DOCK2: variants seen among roughly 807,000 people sequenced by gnomAD.
DOCK2 encodes dedicator of cytokinesis 2, also known as dedicator of cytokinesis protein 2.
Under a neutral mutation model 248.9 loss-of-function variants are expected in DOCK2, and 87 were observed. The ratio of observed to expected loss-of-function variants is 0.35; its 90% CI spans 0.29 to 0.42. DOCK2 has a LOEUF of 0.42. Among genes scored for constraint, DOCK2 ranks in the 10% least tolerant of loss-of-function variants. DOCK2 has a pLI of 1.00. For synonymous variants in DOCK2, 805 were observed against 821.6 expected, an observed-to-expected ratio of 0.98 and a Z score of 0.35; for missense variants, 1,747 against 2,300.2, an observed-to-expected ratio of 0.76 and a Z score of 4.92.
At chr5:169,997,221 A>G (rs1581514937) in intron 30 of DOCK2, among the ~76,000 whole-genome samples, 1 of 135,594 alleles carries the variant, frequency 7.4e-6, no homozygotes. Flanking sequence ...TCAATGCTTT[A>G]CAAAGCAGTA....
intron 41 of DOCK2, among the ~76,000 whole-genome samples, chr5:170,054,603 T>C (rs1375356350): frequency 1.3e-5 from 2 of 152,198 alleles, no homozygotes; most frequent in East Asian, 3.8e-4. Context: ...ATTTTCAGAG[T>C]TGGGGTGCAA....
At chr5:169,956,022 G>T (rs113651247) in intron 27 of DOCK2, among the ~76,000 whole-genome samples, 15 of 151,890 alleles carry the variant, frequency 9.9e-5, no homozygotes, top group African/African-American at 3.6e-4. Context: ...AGTCAAATGT[G>T]GGGGAGACAT....
At chr5:169,842,380 C>T (rs1209282032) in intron 27 of DOCK2, among the ~76,000 whole-genome samples, 1 of 152,088 alleles carries the variant, frequency 6.6e-6, no homozygotes, top group Admixed American at 6.5e-5. Flanking sequence ...GTTTGAGAGA[C>T]AGAGTCTCAC....
chr5:169,654,824 G>A lies in DOCK2; in HGVS notation c.127+338G>A, dbSNP rs375657932. ...AATAAGCATCATTAGGGTTTGGAAG[G>A]GTCCCATAAATCACACCTCTAATTC... On this transcript the variant is annotated intron_variant, in intron 2 of 51. Coordinates refer to ENST00000520908, the MANE Select transcript of DOCK2 (RefSeq NM_004946.3). 5.3e-5 allele frequency among the ~76,000 whole-genome samples: 8 copies of A among 152,254 alleles called. 1 individual carries two copies. In the East Asian group the frequency reaches 1.2e-3, roughly 22 times the overall value.
Position 169,673,397 on chromosome 5 carries a change from A to T in DOCK2, c.322-900A>T, listed in dbSNP as rs115579690. Among the ~76,000 whole-genome samples the T allele has an allele frequency of 8.9e-3, 1,355 of 152,098 alleles. 12 individuals carry two copies. Among genetic ancestry groups the T allele is most frequent in the South Asian group, 0.019 (90 of 4,802 alleles). ...AAAAATCAAGTGTGTATATATATAT[A>T]TTTTTTTGTTGTTGTTTTTTTAATT... On this transcript the variant is annotated intron_variant, in intron 5 of 51. Transcript: ENST00000520908.
Position 170,008,578 on chromosome 5 carries a change from T to C in DOCK2, c.3154T>C (p.Tyr1052His). The change falls in exon 31 of 52, where the codon TAC becomes CAC. Residue 1052 changes from tyrosine to histidine, a missense_variant. Around this residue, in one of 4 missense-constraint regions of DOCK2, gnomAD observed 858 missense variants for 1,183.5 expected, o/e 0.72. Coordinates refer to ENST00000520908, the MANE Select transcript of DOCK2 (RefSeq NM_004946.3). ...GCTGGAGCAGTTCTCACACGCCAAA[T>C]ACAACAAAATCCTGAATAAGTAGGT... ...LQLEQFSHAK[Y>H]NKILNKYGDM... The C allele has an allele frequency of 6.2e-6, 10 of 1,614,102 alleles. No individual in the cohort carries two copies. Among genetic ancestry groups the C allele is most frequent in the Non-Finnish European group, 8.5e-6 (10 of 1,179,982 alleles).
chr5:170,004,362 C>G (rs527299007), intron 30 of DOCK2, among the ~76,000 whole-genome samples: 1 of 152,330 alleles, frequency 6.6e-6, no homozygotes, highest in Admixed American at 6.5e-5. Flanking sequence ...TTAATGATTG[C>G]CGTTCTAACT....
rs947152612 is a variant in DOCK2, at chr5:169,976,244, G to A, written c.2800-6824G>A. Reference sequence around the variant, plus strand: ...CCATGAGAGTGCTGATGTGGAAGACGTGGCGGGTTTTTAAGAGAACACAGG... The same window carrying A: ...CCATGAGAGTGCTGATGTGGAAGACATGGCGGGTTTTTAAGAGAACACAGG... On this transcript the variant is annotated intron_variant, in intron 27 of 51. Transcript: ENST00000520908. Among the ~76,000 whole-genome samples, 4 of 152,342 alleles carry A rather than the reference G, an allele frequency of 2.6e-5. No homozygotes were observed. In the South Asian group the frequency reaches 8.3e-4, roughly 32 times the overall value.
rs371137560 is a variant in DOCK2, at chr5:169,825,943, G to A, written c.2704-14814G>A. ...AAGGAGAGGAGATGGTACATACAGG[G>A]GGAATAAGTAAAGAAGTTGCCAGCG... On this transcript the variant is annotated intron_variant, in intron 26 of 51. Transcript: ENST00000520908. 1.8e-4 allele frequency among the ~76,000 whole-genome samples: 27 copies of A among 152,152 alleles called. No individual in the cohort carries two copies. The South Asian group carries it at 5.0e-3, about 28-fold the overall frequency.
chr5:169,674,225 T>C (rs1208773655), intron 5 of DOCK2, 72 bp from the exon 6 acceptor site: 3 of 1,573,134 alleles, frequency 1.9e-6, no homozygotes, highest in Non-Finnish European at 2.6e-6. Flanking sequence ...CACCTGACTT[T>C]GGCACAGCCT....
intron 2 of DOCK2, among the ~76,000 whole-genome samples, chr5:169,656,450 C>T (rs138126598): frequency 1.1e-4 from 16 of 152,070 alleles, no homozygotes; most frequent in African/African-American, 3.4e-4. Flanking sequence ...CAGCCTCATT[C>T]GTAGCTGGGA....
At chr5:170,006,373 C>T (rs1222998903) in intron 30 of DOCK2, among the ~76,000 whole-genome samples, 6 of 152,102 alleles carry the variant, frequency 3.9e-5, no homozygotes, top group African/African-American at 1.4e-4. Flanking sequence ...AGTGCAGTGG[C>T]GTGATCTCAG....
chr5:169,998,951 A>G (rs1330962278), intron 30 of DOCK2, among the ~76,000 whole-genome samples: 2 of 152,028 alleles, frequency 1.3e-5, no homozygotes, highest in Non-Finnish European at 2.9e-5. Flanking sequence ...GCTTTTTGGG[A>G]GGGGCAACTT....
In DOCK2 at chr5:169,966,370, C is replaced by T. The variant is rs559559238; in HGVS notation, c.2800-16698C>T. ...TAGCTGTGCCTGTGTAGCTTTACCACATAACCCATTGATAACTTATCCCTA... is the reference window on the plus strand; with the variant it reads ...TAGCTGTGCCTGTGTAGCTTTACCATATAACCCATTGATAACTTATCCCTA... On this transcript the variant is annotated intron_variant, in intron 27 of 51. Transcript: ENST00000520908. 2.6e-5 allele frequency among the ~76,000 whole-genome samples: 4 copies of T among 152,308 alleles called. No individual in the cohort carries two copies. The South Asian group carries it at 8.3e-4, about 32-fold the overall frequency.
At position 170,082,782 on chromosome 5, in the gene DOCK2, T is replaced by C. The variant is rs1479038392; in HGVS notation, c.5431-14T>C. 1.9e-6 allele frequency: 3 copies of C among 1,614,190 alleles called. 1 individual carries two copies. The South Asian group carries it at 3.3e-5, about 18-fold the overall frequency. On this transcript the variant is annotated splice_polypyrimidine_tract_variant and intron_variant, in intron 51 of 51. Coordinates refer to ENST00000520908, the MANE Select transcript of DOCK2 (RefSeq NM_004946.3). ...ATCGCATCTTGGTTTTGTGCTTGTT[T>C]ATTCTCTCAAAAGCTGGCCAGCAAA...
chr5:169,773,301 A>G (rs1262892741), intron 25 of DOCK2: 2 of 152,232 alleles, frequency 1.3e-5, no homozygotes, highest in African/African-American at 4.8e-5. Context: ...AAATTGGCAT[A>G]CAATCAAGGA....
intron 50 of DOCK2, chr5:170,081,468 G>A (rs1009881281): frequency 4.1e-5 from 8 of 194,238 alleles, no homozygotes; most frequent in Admixed American, 5.6e-5. Context: ...CTCTCTTCCC[G>A]CTGTCTCCTG....
intron 27 of DOCK2, among the ~76,000 whole-genome samples, chr5:169,853,179 C>T (rs1770704158): frequency 6.6e-6 from 1 of 152,226 alleles, no homozygotes; most frequent in East Asian, 1.9e-4. Context: ...TTATCTTCCA[C>T]CATGATTGGG....
chr5:169,822,498 C>CA, intron 26 of DOCK2, among the ~76,000 whole-genome samples: 1 of 152,306 alleles, frequency 6.6e-6, no homozygotes, highest in Non-Finnish European at 1.5e-5. Context: ...GGAAACTGAA[C>CA]AACCTGCTCC....
Sources: allele counts gnomAD v4.1 joint callset (sites outside exome capture counted in the v4.1 genomes callset), GRCh38; gene constraint gnomAD v4.1.1; regional missense constraint gnomAD v4.1.1; transcripts MANE v1.5; gene names NCBI Gene and HGNC (gene_info 2026-07-23, HGNC 2026-07-21).